KIRREL3: variants seen among roughly 807,000 people sequenced by gnomAD.
KIRREL3 encodes the protein kin of IRRE-like protein 3.
In KIRREL3, 36 loss-of-function variants were observed where a neutral mutation model predicts 89.7. The observed-to-expected ratio is 0.40, with a 90% CI of 0.31 to 0.53. The LOEUF (loss-of-function observed/expected upper bound fraction) is 0.53. KIRREL3 is among the 20% of genes least tolerant of loss of function. The probability of loss-of-function intolerance (pLI) is 0.49; values close to 1 mark genes in which losing one functional copy is unlikely to be tolerated. For synonymous variants in KIRREL3, 445 were observed against 441.4 expected (o/e 1.01, Z -0.10); for missense variants, 864 against 1,056.6 (o/e 0.82, Z 2.53).
intron 1 of KIRREL3, among the ~76,000 whole-genome samples, chr11:126,711,841 T>A (rs1412349276): frequency 6.6e-6 from 1 of 152,146 alleles, no homozygotes. Context: ...CCAGCTGCCC[T>A]CTCTCCACTG....
At chr11:126,848,426 G>C (rs1944223641) in intron 1 of KIRREL3, among the ~76,000 whole-genome samples, 1 of 152,146 alleles carries the variant, frequency 6.6e-6, no homozygotes, top group Admixed American at 6.5e-5. Context: ...CTCATCAGTT[G>C]TTTGTTTTTT....
chr11:126,887,435 C>G (rs2134747207), intron 1 of KIRREL3, among the ~76,000 whole-genome samples: 1 of 152,278 alleles, frequency 6.6e-6, no homozygotes, highest in South Asian at 2.1e-4. Context: ...ATTCTCCCCG[C>G]TGCCCAAATT....
Position 126,904,937 on chromosome 11 carries a change from G to GGAT in KIRREL3, c.55+95515_55+95517dup, listed in dbSNP as rs138130651. 0.2 allele frequency among the ~76,000 whole-genome samples: 29,655 copies of GGAT among 151,188 alleles called. 2,953 individuals carry two copies. The highest frequency in any genetic ancestry group is 0.22 in the African/African-American group (9,049 of 41,142). On this transcript the variant is annotated intron_variant, in intron 1 of 16. Transcript: ENST00000525144. This position sits in a 1 kb window ranked among gnomAD's most constrained non-coding sequence, Gnocchi z 4.4. ...ATAAATAACTGACTATCCATGATGGGGATGATGATGATGATGATGATGATG... is the reference window on the plus strand; with the variant it reads ...ATAAATAACTGACTATCCATGATGGGGATGATGATGATGATGATGATGATGATG...
chr11:126,543,458 A>T (rs1241322268), intron 2 of KIRREL3, among the ~76,000 whole-genome samples: 1 of 152,180 alleles, frequency 6.6e-6, no homozygotes, highest in Non-Finnish European at 1.5e-5. Flanking sequence ...GTTAACTAAC[A>T]CATCCAGGGT....
At chr11:126,815,419 C>G (rs968882135) in intron 1 of KIRREL3, among the ~76,000 whole-genome samples, 1 of 152,142 alleles carries the variant, frequency 6.6e-6, no homozygotes, top group Non-Finnish European at 1.5e-5. Context: ...CTCTGTAACA[C>G]GGGGAAGGAT....
Position 126,684,028 on chromosome 11 carries a change from G to A in KIRREL3, c.56-121116C>T, listed in dbSNP as rs1333877924. Among the ~76,000 whole-genome samples the A allele has an allele frequency of 6.6e-6, 1 of 152,198 alleles. No homozygotes were observed. The highest frequency in any genetic ancestry group is 1.5e-5 in the Non-Finnish European group (1 of 68,050). On this transcript the variant is annotated intron_variant, in intron 1 of 16. Coordinates refer to ENST00000525144, the MANE Select transcript of KIRREL3 (RefSeq NM_032531.4). This position sits in a 1 kb window ranked among gnomAD's most constrained non-coding sequence, Gnocchi z 4.2. ...TTTTGGGCAGCTCCGCCTTCATACC[G>A]AAGGCAGCTTAGCATGGCACTGTCT...
In KIRREL3 at chr11:126,812,079, A is replaced by G. The variant is rs980324301; in HGVS notation, c.55+188376T>C. ...TAGAGAATCTTCAAACTCAATATGC[A>G]TAAGAACAATTTATCCTGATGACCA... On this transcript the variant is annotated intron_variant, in intron 1 of 16. Transcript: ENST00000525144. This position sits in a 1 kb window ranked among gnomAD's most constrained non-coding sequence, Gnocchi z 5.2. 6.6e-6 allele frequency among the ~76,000 whole-genome samples: 1 copy of G among 152,232 alleles called. No homozygotes were observed. The highest frequency in any genetic ancestry group is 1.5e-5 in the Non-Finnish European group (1 of 68,052).
At chr11:126,690,545 G>A (rs6590224) in intron 1 of KIRREL3, among the ~76,000 whole-genome samples, 40,573 of 151,930 alleles carry the variant, frequency 0.27, 6,148 homozygotes, top group African/African-American at 0.41. Context: ...TGTGCCTTAT[G>A]TTTTGGGGTT....
In KIRREL3 at chr11:126,903,268, C is replaced by A. The variant is rs1946442408; in HGVS notation, c.55+97187G>T. Among the ~76,000 whole-genome samples the A allele has an allele frequency of 6.6e-6, 1 of 152,078 alleles. No individual in the cohort carries two copies. The highest frequency in any genetic ancestry group is 2.4e-5 in the African/African-American group (1 of 41,428). On this transcript the variant is annotated intron_variant, in intron 1 of 16. Coordinates refer to ENST00000525144, the MANE Select transcript of KIRREL3 (RefSeq NM_032531.4). The surrounding 1 kb of genome is among the most constrained non-coding windows in gnomAD (Gnocchi z 4.5). ...CCATTTGGTATGAAGTTTAGGCACT[C>A]ACATTTTTCTTTTCTTTTTTTTTTA...
At position 126,476,667 on chromosome 11, in the gene KIRREL3, G is replaced by T. The variant is rs1373536526; in HGVS notation, c.434-3201C>A. Among the ~76,000 whole-genome samples the T allele has an allele frequency of 2.8e-5, 3 of 107,796 alleles. No individual in the cohort carries two copies. Among genetic ancestry groups the T allele is most frequent in the Admixed American group, 1.6e-4 (2 of 12,166 alleles). 70.7% of individuals were successfully genotyped at this position (107,796 alleles called of 152,430 possible). On this transcript the variant is annotated intron_variant, in intron 4 of 16. Coordinates refer to ENST00000525144, the MANE Select transcript of KIRREL3 (RefSeq NM_032531.4). The surrounding 1 kb of genome is among the most constrained non-coding windows in gnomAD (Gnocchi z 6.4). ...CACACCAGATGGGGGTGGGGGCTGGGGGGGGGTGGGGGTTGGTGAGGATGG... is the reference window on the plus strand; with the variant it reads ...CACACCAGATGGGGGTGGGGGCTGGTGGGGGGTGGGGGTTGGTGAGGATGG...
Position 126,716,577 on chromosome 11 carries a change from G to A in KIRREL3, c.56-153665C>T, listed in dbSNP as rs150032012. Among the ~76,000 whole-genome samples the A allele has an allele frequency of 3.2e-3, 484 of 152,256 alleles. 4 individuals carry two copies. Among genetic ancestry groups the A allele is most frequent in the African/African-American group, 0.011 (454 of 41,536 alleles). ...TAGCTCCCATCTAAGTGATACTGAT[G>A]GAGCACAGAAGATTCCTGGGGACAC... On this transcript the variant is annotated intron_variant, in intron 1 of 16. Coordinates refer to ENST00000525144, the MANE Select transcript of KIRREL3 (RefSeq NM_032531.4).
At chr11:126,450,492 T>C (rs1750378015) in intron 7 of KIRREL3, among the ~76,000 whole-genome samples, 1 of 105,418 alleles carries the variant, frequency 9.5e-6, no homozygotes, top group Admixed American at 8.5e-5. Flanking sequence ...TGGGTGTGAG[T>C]GTGTGCATGT....
At chr11:126,975,894 CCCTCCCTCCCTTCCTCCCTCCCTT>C (rs747593817) in intron 1 of KIRREL3, among the ~76,000 whole-genome samples, 4 of 93,026 alleles carry the variant, frequency 4.3e-5, no homozygotes, top group Non-Finnish European at 8.3e-5. Flanking sequence ...TTCCCTCCCT[CCCTCCCTCCCTTCCTCCCTCCCTT>C]CCTCCCTCCC....
At position 126,443,457 on chromosome 11, in the gene KIRREL3, C is replaced by T. The variant is rs1216818223; in HGVS notation, c.1252+1522G>A. Among the ~76,000 whole-genome samples, 5 of 152,292 alleles carry T rather than the reference C, an allele frequency of 3.3e-5. No individual in the cohort carries two copies. Among genetic ancestry groups the T allele is most frequent in the Admixed American group, 1.3e-4 (2 of 15,302 alleles). Reference sequence around the variant, plus strand: ...CCCTGCAGTGCCAATTTATTGGTGGCATCCTGGGGACACTCAGGAAAGGCA... The same window carrying T: ...CCCTGCAGTGCCAATTTATTGGTGGTATCCTGGGGACACTCAGGAAAGGCA... On this transcript the variant is annotated intron_variant, in intron 10 of 16. Transcript: ENST00000525144. This position sits in a 1 kb window ranked among gnomAD's most constrained non-coding sequence, Gnocchi z 7.3.
chr11:126,734,106 CAAG>C lies in KIRREL3; in HGVS notation c.56-171197_56-171195del, dbSNP rs1948723945. Among the ~76,000 whole-genome samples the C allele has an allele frequency of 6.6e-6, 1 of 152,178 alleles. No homozygotes were observed. The highest frequency in any genetic ancestry group is 2.4e-5 in the African/African-American group (1 of 41,430). On this transcript the variant is annotated intron_variant, in intron 1 of 16. Transcript: ENST00000525144. The surrounding 1 kb of genome is among the most constrained non-coding windows in gnomAD (Gnocchi z 5.9). ...TACTGAGGCAGAAGCTGCATTAGAA[CAAG>C]ATCCCTAGGTGGTTTGTTTGAACAC...
chr11:126,497,856 A>T (rs1032874425), intron 4 of KIRREL3, among the ~76,000 whole-genome samples: 2 of 152,144 alleles, frequency 1.3e-5, no homozygotes, highest in Non-Finnish European at 2.9e-5. Context: ...GTCACCAAGC[A>T]CTTTCTCTGT....
chr11:126,828,862 G>C lies in KIRREL3; in HGVS notation c.55+171593C>G, dbSNP rs143192946. Among the ~76,000 whole-genome samples the C allele has an allele frequency of 1.5e-3, 229 of 152,268 alleles. 1 individual carries two copies. Among genetic ancestry groups the C allele is most frequent in the African/African-American group, 5.4e-3 (226 of 41,542 alleles). ...TGAGCAGTTGGGTTCCCCTGAAAGT[G>C]GTGGTGGTAGATTGGGAGGTGATCC... On this transcript the variant is annotated intron_variant, in intron 1 of 16. Coordinates refer to ENST00000525144, the MANE Select transcript of KIRREL3 (RefSeq NM_032531.4).
At position 126,563,111 on chromosome 11, in the gene KIRREL3, C is replaced by G. The variant is rs557748178; in HGVS notation, c.56-199G>C. 6.6e-6 allele frequency among the ~76,000 whole-genome samples: 1 copy of G among 152,310 alleles called. No individual in the cohort carries two copies. Among genetic ancestry groups the G allele is most frequent in the South Asian group, 2.1e-4 (1 of 4,826 alleles). On this transcript the variant is annotated intron_variant, in intron 1 of 16. Coordinates refer to ENST00000525144, the MANE Select transcript of KIRREL3 (RefSeq NM_032531.4). This position sits in a 1 kb window ranked among gnomAD's most constrained non-coding sequence, Gnocchi z 6.8. Reference sequence around the variant, plus strand: ...CTTCATTTTGATTCTCATAACAACCCTGTGAAGGATGTTTCCCCATTTTCT... The same window carrying G: ...CTTCATTTTGATTCTCATAACAACCGTGTGAAGGATGTTTCCCCATTTTCT...
At chr11:126,926,145 C>T (rs541742193) in intron 1 of KIRREL3, among the ~76,000 whole-genome samples, 75 of 152,312 alleles carry the variant, frequency 4.9e-4, no homozygotes, top group Non-Finnish European at 9.7e-4. Context: ...GTAAGAAGAA[C>T]GCTGGAGGTG....
Sources: allele counts gnomAD v4.1 joint callset (sites outside exome capture counted in the v4.1 genomes callset), GRCh38; gene constraint gnomAD v4.1.1; non-coding constraint Gnocchi (gnomAD v3.1); transcripts MANE v1.5; gene names NCBI Gene and HGNC (gene_info 2026-07-23, HGNC 2026-07-21).